The following PEX26 variants were observed in gnomAD, a reference collection of about 807,000 sequenced individuals.
The protein encoded by PEX26 is peroxisomal biogenesis factor 26.
A neutral mutation model predicts 31.4 loss-of-function variants in PEX26; 18 were observed. The ratio of observed to expected loss-of-function variants is 0.57; its 90% confidence interval spans 0.40 to 0.85. The LOEUF (loss-of-function observed/expected upper bound fraction) is 0.85, where lower values mean the gene tolerates loss of function less well. PEX26 is among the 40% of genes least tolerant of loss of function. PEX26 has a pLI of 0.00. For synonymous variants in PEX26, 176 were observed against 166.9 expected (o/e 1.05, Z -0.42); for missense variants, 377 against 383.9 (o/e 0.98, Z 0.15).
chr22:18,087,208 G>A (rs1926875857), intron 4 of PEX26, among the ~76,000 whole-genome samples: 1 of 152,184 alleles, frequency 6.6e-6, no homozygotes, highest in African/African-American at 2.4e-5. Flanking sequence ...CCAAGTAGCT[G>A]GGATTACAGG....
intron 2 of PEX26, chr22:18,081,697 C>T (rs959209521): frequency 1.2e-5 from 2 of 162,408 alleles, no homozygotes. Flanking sequence ...CTCAGTGTGC[C>T]CCAGGCCTTC....
At position 18,103,222 on chromosome 22, in the gene PEX26, A is replaced by G. The variant is rs1298863792; in HGVS notation, c.*15147A>G. On this transcript the variant is annotated 3_prime_UTR_variant, in exon 5 of 5. Transcript: ENST00000399744. ...GGTGGCTTGATGGACACAAACATAG[A>G]TAGAAGGAGTGAGTTCTAATGCTTG... 1 of 150,986 alleles carries G rather than the reference A, an allele frequency of 6.6e-6. No individual in the cohort carries two copies. The highest frequency in any genetic ancestry group is 2.4e-5 in the African/African-American group (1 of 41,248). The allele number at this position is 150,986 out of a possible 1,614,324, so 9.4% of individuals were successfully genotyped here. A position where few individuals can be genotyped will look rare whatever the true frequency, so the allele number is the denominator to read the frequency against.
chr22:18,100,100 AG>A lies in PEX26; in HGVS notation c.*12026del, dbSNP rs1259813739. Reference sequence around the variant, plus strand: ...TTTATTGTTATTATTTTTGAGATAGAGTTTCAATCTTGTTGCCCAGGCTGGA... The same window carrying A: ...TTTATTGTTATTATTTTTGAGATAGATTTCAATCTTGTTGCCCAGGCTGGA... On this transcript the variant is annotated 3_prime_UTR_variant, in exon 5 of 5. Coordinates refer to ENST00000399744, the MANE Select transcript of PEX26 (RefSeq NM_001127649.3). 6.6e-6 allele frequency: 1 copy of A among 152,086 alleles called. No individual in the cohort carries two copies. Among genetic ancestry groups the A allele is most frequent in the Admixed American group, 6.6e-5 (1 of 15,262 alleles). 9.4% of individuals were successfully genotyped at this position (152,086 alleles called of 1,614,324 possible).
rs1354191548 is a variant in PEX26, at chr22:18,093,539, G to A, written c.*5464G>A. On this transcript the variant is annotated 3_prime_UTR_variant, in exon 5 of 5. Transcript: ENST00000399744. ...GATGGCGCCACTGCACTCCAGCCTG[G>A]GGGACAGAGCAAGACTCCGTCTTAA... 4.0e-5 allele frequency: 6 copies of A among 151,148 alleles called. No homozygotes were observed. The highest frequency in any genetic ancestry group is 3.9e-4 in the East Asian group (2 of 5,090). The allele number at this position is 151,148 out of a possible 1,614,324, so 9.4% of individuals were successfully genotyped here. A position where few individuals can be genotyped will look rare whatever the true frequency, so the allele number is the denominator to read the frequency against.
At chr22:18,081,192 T>C (rs1926572520) in intron 2 of PEX26, among the ~76,000 whole-genome samples, 1 of 150,922 alleles carries the variant, frequency 6.6e-6, no homozygotes, top group African/African-American at 2.4e-5. Flanking sequence ...TGTGTATATA[T>C]ATACACATAT....
rs754809897 is a variant in PEX26, at chr22:18,078,431, C to T, written c.55C>T (p.Leu19=). 1.9e-6 allele frequency: 3 copies of T among 1,584,802 alleles called. No homozygotes were observed. The highest frequency in any genetic ancestry group is 1.7e-6 in the Non-Finnish European group (2 of 1,169,526). Residue 19 remains leucine, a synonymous_variant, in exon 1 of 5, where the codon CTG becomes TTG. Transcript: ENST00000399744. ...CCCCCTCAGGGGGCTCGGGGGACCC[C>T]TGCGCAGCAGCGAGCCGGTGCGCGC... ...AAPLRGLGGP[L]RSSEPVRAVP... is the part of the protein sequence containing the mutation.
In PEX26 at chr22:18,085,190, C is replaced by T. The variant is rs1215793125; in HGVS notation, c.746C>T (p.Ser249Phe). ...GACTCTGCGGTGAGCCACTTCTTTT[C>T]TCTGCCCTTCAAAAAGAGTCTCCTG... ...LWDSAVSHFF[S>F]LPFKKSLLAA... The change falls in exon 4 of 5, where the codon TCT becomes TTT. Residue 249 changes from serine to phenylalanine, a missense_variant. Physicochemically the swap from Ser to Phe is radical, Grantham distance 155. Coordinates refer to ENST00000399744, the MANE Select transcript of PEX26 (RefSeq NM_001127649.3). 1 of 1,614,124 alleles carries T rather than the reference C, an allele frequency of 6.2e-7. No homozygotes were observed. Among genetic ancestry groups the T allele is most frequent in the Non-Finnish European group, 8.5e-7 (1 of 1,179,982 alleles).
At chr22:18,079,155 T>A (rs866608090) in intron 1 of PEX26, 1 of 945,086 alleles carries the variant, frequency 1.1e-6, no homozygotes, top group Non-Finnish European at 1.3e-6. Context: ...GGTAACATAA[T>A]GAGCCCTCTT....
chr22:18,085,018 G>T, intron 3 of PEX26, 94 bp from the exon 4 acceptor site: 1 of 1,386,564 alleles, frequency 7.2e-7, no homozygotes. Context: ...ACTGCGCCTG[G>T]CCTGCTCAGG....
rs1200732926 is a variant in PEX26 at position 18,098,071 on chromosome 22, TGTGGTGGC to T, written c.*10000_*10007del. 1.3e-5 allele frequency: 2 copies of T among 151,710 alleles called. No homozygotes were observed. Among genetic ancestry groups the T allele is most frequent in the African/African-American group, 2.4e-5 (1 of 41,262 alleles). 9.4% of individuals were successfully genotyped at this position (151,710 alleles called of 1,614,324 possible). ...TCAAAAAATCTAAAAATTAGCTGGG[TGTGGTGGC>T]GTGCACCTGTAATCTCAGCTACTTG... On this transcript the variant is annotated 3_prime_UTR_variant, in exon 5 of 5. Coordinates refer to ENST00000399744, the MANE Select transcript of PEX26 (RefSeq NM_001127649.3).
chr22:18,083,872 G>C, intron 3 of PEX26, 140 bp downstream of exon 3: 1 of 802,848 alleles, frequency 1.2e-6, no homozygotes, highest in Middle Eastern at 3.5e-4. Flanking sequence ...TAGGAGGCCT[G>C]TTGATTTGCT....
Position 18,093,552 on chromosome 22 carries a change from G to A in PEX26, c.*5477G>A, listed in dbSNP as rs1357833164. 3.0e-5 allele frequency: 4 copies of A among 135,368 alleles called. No individual in the cohort carries two copies. The highest frequency in any genetic ancestry group is 1.1e-4 in the African/African-American group (4 of 36,194). 8.4% of individuals were successfully genotyped at this position (135,368 alleles called of 1,614,324 possible). A position where few individuals can be genotyped will look rare whatever the true frequency, so the allele number is the denominator to read the frequency against. On this transcript the variant is annotated 3_prime_UTR_variant, in exon 5 of 5. Transcript: ENST00000399744. ...CACTCCAGCCTGGGGGACAGAGCAAGACTCCGTCTTAAAAAAAAAAAAAAC... is the reference window on the plus strand; with the variant it reads ...CACTCCAGCCTGGGGGACAGAGCAAAACTCCGTCTTAAAAAAAAAAAAAAC...
chr22:18,087,332 C>G (rs1926880821), intron 4 of PEX26, among the ~76,000 whole-genome samples: 5 of 152,216 alleles, frequency 3.3e-5, no homozygotes. Context: ...ACCTCAGCCT[C>G]CCACAGTGCT....
rs975634241 is a variant in PEX26 at position 18,089,685 on chromosome 22, T to A, written c.*1610T>A. 1 of 144,844 alleles carries A rather than the reference T, an allele frequency of 6.9e-6. No homozygotes were observed. The highest frequency in any genetic ancestry group is 1.4e-5 in the Non-Finnish European group (1 of 69,018). 9.0% of individuals were successfully genotyped at this position (144,844 alleles called of 1,614,324 possible). A position where few individuals can be genotyped will look rare whatever the true frequency, so the allele number is the denominator to read the frequency against. On this transcript the variant is annotated 3_prime_UTR_variant, in exon 5 of 5. Coordinates refer to ENST00000399744, the MANE Select transcript of PEX26 (RefSeq NM_001127649.3). ...TTTCGGGGGTTGCAAGGCAACAAGT[T>A]TTCTTTTGTTTTGTTTGTTTGTTTG...
In PEX26 at chr22:18,088,008, C is replaced by T. The variant is rs200004274; in HGVS notation, c.851C>T (p.Ala284Val). 1.4e-5 allele frequency: 23 copies of T among 1,613,616 alleles called. No homozygotes were observed. The South Asian group carries it at 2.2e-4, about 15-fold the overall frequency. ...PSSLHFLYKL[A>V]QLFRWIRKAA... is the part of the protein sequence containing the mutation. ...TCCCTGCACTTCCTCTACAAGCTGG[C>T]CCAGCTCTTCCGCTGGATCCGGAAG... The change falls in exon 5 of 5, where the codon GCC (alanine) becomes GTC (valine). Residue 284 changes from alanine to valine, a missense_variant. Physicochemically the swap from Ala to Val is moderately conservative, Grantham distance 64. Coordinates refer to ENST00000399744, the MANE Select transcript of PEX26 (RefSeq NM_001127649.3). This position sits in a 1 kb window ranked among gnomAD's most constrained non-coding sequence, Gnocchi z 4.1.
chr22:18,095,434 G>A lies in PEX26; in HGVS notation c.*7359G>A, dbSNP rs1927261908. On this transcript the variant is annotated 3_prime_UTR_variant, in exon 5 of 5. Transcript: ENST00000399744. ...GCTGCTTTCTCTGGAAAGCTGGGGA[G>A]CTGGTAAAATTTTTTGGTCGCCCCA... 2 of 152,188 alleles carry A rather than the reference G, an allele frequency of 1.3e-5. No homozygotes were observed. Among genetic ancestry groups the A allele is most frequent in the South Asian group, 4.1e-4 (2 of 4,828 alleles). 9.4% of individuals were successfully genotyped at this position (152,188 alleles called of 1,614,324 possible).
In PEX26 at chr22:18,096,550, C is replaced by G. The variant is rs7289256; in HGVS notation, c.*8475C>G. 14,367 of 151,758 alleles carry G rather than the reference C, an allele frequency of 0.095. 844 individuals are homozygous for G. The highest frequency in any genetic ancestry group is 0.15 in the African/African-American group (6,225 of 41,282). 9.4% of individuals were successfully genotyped at this position (151,758 alleles called of 1,614,324 possible). A position where few individuals can be genotyped will look rare whatever the true frequency, so the allele number is the denominator to read the frequency against. On this transcript the variant is annotated 3_prime_UTR_variant, in exon 5 of 5. Coordinates refer to ENST00000399744, the MANE Select transcript of PEX26 (RefSeq NM_001127649.3). Reference sequence around the variant, plus strand: ...TCTTCTGCCTCAGCCTCCCGAATAGCTGGGACTACAGGCGCCCGCCACCAC... The same window carrying G: ...TCTTCTGCCTCAGCCTCCCGAATAGGTGGGACTACAGGCGCCCGCCACCAC...
Position 18,093,025 on chromosome 22 carries a change from A to G in PEX26, c.*4950A>G, listed in dbSNP as rs1173197633. On this transcript the variant is annotated 3_prime_UTR_variant, in exon 5 of 5. Coordinates refer to ENST00000399744, the MANE Select transcript of PEX26 (RefSeq NM_001127649.3). Reference sequence around the variant, plus strand: ...TCTTACTTTTTTAATACAAAATACAAGCAAAGGATACACATACTTAAAACA... The same window carrying G: ...TCTTACTTTTTTAATACAAAATACAGGCAAAGGATACACATACTTAAAACA... 1 of 152,190 alleles carries G rather than the reference A, an allele frequency of 6.6e-6. No homozygotes were observed. Among genetic ancestry groups the G allele is most frequent in the Non-Finnish European group, 1.5e-5 (1 of 68,036 alleles). The allele number at this position is 152,190 out of a possible 1,614,324, so 9.4% of individuals were successfully genotyped here. A position where few individuals can be genotyped will look rare whatever the true frequency, so the allele number is the denominator to read the frequency against.
rs1303146434 is a variant in PEX26 at position 18,092,222 on chromosome 22, A to G, written c.*4147A>G. 2.6e-5 allele frequency: 4 copies of G among 152,248 alleles called. No homozygotes were observed. Among genetic ancestry groups the G allele is most frequent in the Non-Finnish European group, 5.9e-5 (4 of 68,060 alleles). The allele number at this position is 152,248 out of a possible 1,614,324, so 9.4% of individuals were successfully genotyped here. ...ATTTACTCTCTGGCCTAGTCAAGCA[A>G]CCCACCCACGGCCTGGCCAAGGTCG... On this transcript the variant is annotated 3_prime_UTR_variant, in exon 5 of 5. Transcript: ENST00000399744.
Sources: allele counts gnomAD v4.1 joint callset (sites outside exome capture counted in the v4.1 genomes callset), GRCh38; gene constraint gnomAD v4.1.1; non-coding constraint Gnocchi (gnomAD v3.1); transcripts MANE v1.5; gene names NCBI Gene and HGNC (gene_info 2026-07-23, HGNC 2026-07-21).